ZNF362: variants seen among roughly 807,000 people sequenced by gnomAD.
ZNF362 encodes the protein rotund homolog.
In ZNF362, 11 loss-of-function variants were observed where a neutral mutation model predicts 42.9. That is an observed-to-expected ratio of 0.26 (90% CI 0.16 to 0.42). ZNF362 has a LOEUF of 0.42. Among genes scored for constraint, ZNF362 ranks in the 20% least tolerant of loss-of-function variants. The probability of loss-of-function intolerance (pLI) is 1.00; values close to 1 mark genes in which losing one functional copy is unlikely to be tolerated. For missense variants in ZNF362, 362 were observed against 576.2 expected (o/e 0.63, Z 3.81); for synonymous variants, 255 against 257.3 (o/e 0.99, Z 0.09).
chr1:33,137,936 A>G, the ZNF362 span, among the ~76,000 whole-genome samples: 1 of 152,214 alleles, frequency 6.6e-6, no homozygotes, highest in Non-Finnish European at 1.5e-5. Flanking sequence ...GGTTGGCAGC[A>G]GAGCCGAGGA....
chr1:33,129,354 T>C, the ZNF362 span, among the ~76,000 whole-genome samples: 1 of 152,180 alleles, frequency 6.6e-6, no homozygotes, highest in Non-Finnish European at 1.5e-5. This position sits in a 1 kb window ranked among gnomAD's most constrained non-coding sequence, Gnocchi z 4.1. Context: ...CTTACAAACA[T>C]TCTCTTCTGA....
the ZNF362 span, among the ~76,000 whole-genome samples, chr1:33,214,840 G>A: frequency 1.3e-5 from 2 of 152,154 alleles, no homozygotes; most frequent in Non-Finnish European, 2.9e-5. Context: ...CAAAAGACAG[G>A]CAATAACAAA....
the ZNF362 span, among the ~76,000 whole-genome samples, chr1:33,197,281 C>T: frequency 0.024 from 3,658 of 152,238 alleles, 119 homozygotes; most frequent in African/African-American, 0.083. Flanking sequence ...TCTCTCCTCC[C>T]CAGTTTGCAG....
chr1:33,127,835 C>T, the ZNF362 span, among the ~76,000 whole-genome samples: 2 of 152,126 alleles, frequency 1.3e-5, no homozygotes, highest in African/African-American at 2.4e-5. Flanking sequence ...AGCGTGCCTA[C>T]TGCTTGCCAG....
chr1:33,223,900 A>G, the ZNF362 span, among the ~76,000 whole-genome samples: 1 of 151,846 alleles, frequency 6.6e-6, no homozygotes, highest in African/African-American at 2.4e-5. Context: ...TCTCAAAAAA[A>G]AAAAAAAAAA....
chr1:33,180,349 C>G, the ZNF362 span, among the ~76,000 whole-genome samples: 2 of 152,120 alleles, frequency 1.3e-5, no homozygotes, highest in Non-Finnish European at 2.9e-5. Context: ...TGGCTTAAAT[C>G]TAAACTTGTT....
the ZNF362 span, among the ~76,000 whole-genome samples, chr1:33,215,599 G>A: frequency 1.3e-5 from 2 of 152,104 alleles, no homozygotes; most frequent in African/African-American, 4.8e-5. Context: ...CACATTGAGT[G>A]CCTGGATCAG....
At chr1:33,192,977 C>T in the ZNF362 span, among the ~76,000 whole-genome samples, 1 of 88,982 alleles carries the variant, frequency 1.1e-5, no homozygotes, top group Non-Finnish European at 2.3e-5. Context: ...ATGTCTCTCT[C>T]TCCACACACA....
At chr1:33,165,313 T>G in the ZNF362 span, 1 of 616,304 alleles carries the variant, frequency 1.6e-6, no homozygotes, top group Non-Finnish European at 2.8e-6. This position sits in a 1 kb window ranked among gnomAD's most constrained non-coding sequence, Gnocchi z 4.0. Flanking sequence ...TGCCCTACCC[T>G]CTTCCCCACC....
the ZNF362 span, among the ~76,000 whole-genome samples, chr1:33,157,223 C>G: frequency 6.6e-6 from 1 of 152,188 alleles, no homozygotes; most frequent in Non-Finnish European, 1.5e-5. Context: ...TTCACCTTGA[C>G]CCTCCTTCTC....
the ZNF362 span, among the ~76,000 whole-genome samples, chr1:33,245,396 A>AT: frequency 9.1e-4 from 134 of 147,696 alleles, no homozygotes; most frequent in Admixed American, 1.7e-3. Flanking sequence ...TATACGAGGG[A>AT]TTTTTTTTTT....
chr1:33,160,323 G>T, the ZNF362 span, among the ~76,000 whole-genome samples: 1 of 152,110 alleles, frequency 6.6e-6, no homozygotes, highest in Admixed American at 6.5e-5. Flanking sequence ...TAGGAGGGAT[G>T]AGGGAGCTGG....
chr1:33,206,957 T>C, the ZNF362 span, among the ~76,000 whole-genome samples: 2 of 152,214 alleles, frequency 1.3e-5, no homozygotes. Flanking sequence ...CAATTCCTTT[T>C]TATAAAATTA....
At chr1:33,147,843 G>C in the ZNF362 span, 7 of 1,153,292 alleles carry the variant, frequency 6.1e-6, no homozygotes, top group South Asian at 3.1e-5. The surrounding 1 kb of genome is among the most constrained non-coding windows in gnomAD (Gnocchi z 8.1). Flanking sequence ...CTGACCTGCT[G>C]TGTGACCTTG....
the ZNF362 span, among the ~76,000 whole-genome samples, chr1:33,212,355 T>G: frequency 6.6e-6 from 1 of 152,354 alleles, no homozygotes; most frequent in Non-Finnish European, 1.5e-5. Flanking sequence ...GATAGCCATT[T>G]TGGAAAACAG....
chr1:33,254,180 G>A (rs894796036), upstream of ZNF362, among the ~76,000 whole-genome samples: 1 of 151,242 alleles, frequency 6.6e-6, no homozygotes, highest in African/African-American at 2.4e-5. Context: ...AGGCTGGAGT[G>A]CAGTGGCCCA....
the ZNF362 span, among the ~76,000 whole-genome samples, chr1:33,250,389 T>C: frequency 6.6e-6 from 1 of 152,274 alleles, no homozygotes; most frequent in East Asian, 1.9e-4. Context: ...ATATACACCA[T>C]GGAATACTAT....
chr1:33,189,664 T>TATATATATATACAC, the ZNF362 span, among the ~76,000 whole-genome samples: 1 of 19,860 alleles, frequency 5.0e-5, no homozygotes, highest in African/African-American at 1.1e-4. Flanking sequence ...TATATATATA[T>TATATATATATACAC]ATATATATGT....
chr1:33,221,845 G>C, the ZNF362 span, among the ~76,000 whole-genome samples: 1 of 152,164 alleles, frequency 6.6e-6, no homozygotes, highest in South Asian at 2.1e-4. Context: ...GGATGCAGTG[G>C]ATGGGCAGTA....
Sources: allele counts gnomAD v4.1 joint callset (sites outside exome capture counted in the v4.1 genomes callset), GRCh38; gene constraint gnomAD v4.1.1; non-coding constraint Gnocchi (gnomAD v3.1); transcripts MANE v1.5; gene names NCBI Gene and HGNC (gene_info 2026-07-23, HGNC 2026-07-21).